LCP1: variants seen among roughly 807,000 people sequenced by gnomAD.
The protein encoded by LCP1 is plastin-2.
Under a neutral mutation model 72.0 loss-of-function variants are expected in LCP1, and 23 were observed. That is an observed-to-expected ratio of 0.32 (90% confidence interval 0.23 to 0.45). The LOEUF (loss-of-function observed/expected upper bound fraction) is 0.45, where lower values mean the gene tolerates loss of function less well. Ranked by LOEUF, LCP1 falls within the 20% of genes least tolerant of loss-of-function variation. LCP1 has a pLI of 1.00. For synonymous variants in LCP1, 245 were observed against 275.4 expected, an observed-to-expected ratio of 0.89 and a Z score of 1.09; for missense variants, 571 against 748.3, an observed-to-expected ratio of 0.76 and a Z score of 2.76.
intron 8 of LCP1, chr13:46,148,894 A>G (rs892648753): frequency 1.0e-5 from 4 of 386,160 alleles, no homozygotes; most frequent in Non-Finnish European, 1.4e-5. Flanking sequence ...ACAATCAGCA[A>G]GAGAAAAAGA....
chr13:46,143,531 G>A (rs540717309), intron 11 of LCP1, 127 bp from the exon 12 acceptor site: 20 of 616,926 alleles, frequency 3.2e-5, no homozygotes, highest in African/African-American at 1.3e-4. Context: ...CTTGGTAGTC[G>A]TAGCTCCATC....
chr13:46,156,687 C>T (rs1644321127), intron 4 of LCP1, 117 bp from the exon 5 acceptor site: 1 of 1,103,570 alleles, frequency 9.1e-7, no homozygotes, highest in Admixed American at 2.0e-5. Flanking sequence ...TTATTCAGTC[C>T]ATTATCTTAT....
chr13:46,153,522 G>A (rs562693632), intron 6 of LCP1, among the ~76,000 whole-genome samples: 1 of 152,182 alleles, frequency 6.6e-6, no homozygotes, highest in African/African-American at 2.4e-5. Flanking sequence ...CCAACATGGT[G>A]AAACCCCATC....
chr13:46,131,037 A>G (rs1320490654), intron 14 of LCP1, 99 bp from the exon 15 acceptor site: 1 of 1,198,390 alleles, frequency 8.3e-7, no homozygotes, highest in African/African-American at 1.6e-5. Context: ...AATATATAAT[A>G]TATACAGCCT....
chr13:46,168,734 C>T (rs2045890524), intron 1 of LCP1, among the ~76,000 whole-genome samples: 1 of 152,178 alleles, frequency 6.6e-6, no homozygotes, highest in South Asian at 2.1e-4. Context: ...ATAAGGAAAT[C>T]CTACAACCTC....
At chr13:46,133,283 A>G (rs918658416) in intron 14 of LCP1, among the ~76,000 whole-genome samples, 1 of 152,226 alleles carries the variant, frequency 6.6e-6, no homozygotes, top group African/African-American at 2.4e-5. Flanking sequence ...TGCTTTTAAA[A>G]TCATGGATTT....
intron 1 of LCP1, among the ~76,000 whole-genome samples, chr13:46,162,278 C>A (rs1166873247): frequency 8.0e-6 from 1 of 124,304 alleles, no homozygotes; most frequent in Non-Finnish European, 1.7e-5. Flanking sequence ...TCCCCCTCCC[C>A]CTCCCTCTCC....
intron 10 of LCP1, among the ~76,000 whole-genome samples, chr13:46,144,753 G>T (rs887663146): frequency 1.3e-5 from 2 of 152,148 alleles, no homozygotes; most frequent in African/African-American, 4.8e-5. Flanking sequence ...AATCCTGTGT[G>T]GGGTAGCTGT....
chr13:46,170,445 G>A (rs185674079), intron 1 of LCP1, among the ~76,000 whole-genome samples: 15 of 152,268 alleles, frequency 9.9e-5, no homozygotes, highest in East Asian at 3.9e-4. Flanking sequence ...GCTGGCTGCC[G>A]GTAATGCTTG....
At chr13:46,178,807 A>G (rs2045943515) in intron 1 of LCP1, among the ~76,000 whole-genome samples, 1 of 152,348 alleles carries the variant, frequency 6.6e-6, no homozygotes, top group East Asian at 1.9e-4. Context: ...ACTATTAGTA[A>G]TAAAGTCCAA....
chr13:46,131,697 A>G (rs1265418014), intron 14 of LCP1, among the ~76,000 whole-genome samples: 1 of 152,160 alleles, frequency 6.6e-6, no homozygotes, highest in African/African-American at 2.4e-5. Context: ...AAATCATGTT[A>G]TTTGCAGCAA....
intron 1 of LCP1, among the ~76,000 whole-genome samples, chr13:46,160,478 T>C (rs1387171106): frequency 1.3e-5 from 2 of 152,210 alleles, no homozygotes; most frequent in African/African-American, 4.8e-5. Flanking sequence ...ACAGATACAG[T>C]TTATAACTTC....
At chr13:46,143,716 C>T (rs530630525) in intron 11 of LCP1, among the ~76,000 whole-genome samples, 3 of 152,338 alleles carry the variant, frequency 2.0e-5, no homozygotes, top group Admixed American at 6.5e-5. Flanking sequence ...ATATAACAAA[C>T]CTGCACATGT....
rs539035687 is a variant in LCP1, at chr13:46,174,075, T to C, written c.-25+8036A>G. On this transcript the variant is annotated intron_variant, in intron 1 of 15. Transcript: ENST00000323076. ...CTAATTCTCCAGGCATTTTTACCAT[T>C]GTAGTCTGAGCTGAAAAACAGTGAG... 3.5e-3 allele frequency among the ~76,000 whole-genome samples: 528 copies of C among 152,324 alleles called. 1 individual carries two copies. Among genetic ancestry groups the C allele is most frequent in the African/African-American group, 0.012 (509 of 41,568 alleles).
At chr13:46,147,172 G>T in intron 9 of LCP1, 69 bp from the exon 10 acceptor site, 1 of 1,291,572 alleles carries the variant, frequency 7.7e-7, no homozygotes, top group Non-Finnish European at 1.0e-6. Context: ...TGCATAATGT[G>T]AAAAGAAATG....
At chr13:46,142,572 G>A (rs2045705198) in intron 12 of LCP1, 147 bp from the exon 13 acceptor site, 1 of 839,642 alleles carries the variant, frequency 1.2e-6, no homozygotes, top group African/African-American at 1.7e-5. Context: ...GCAATTCTAG[G>A]ATTCAAAATT....
At chr13:46,151,503 A>G (rs1387404539) in intron 7 of LCP1, among the ~76,000 whole-genome samples, 1 of 152,182 alleles carries the variant, frequency 6.6e-6, no homozygotes, top group African/African-American at 2.4e-5. Flanking sequence ...GGTGTTTTAT[A>G]TTTCAAGTGC....
At chr13:46,148,505 A>G in intron 8 of LCP1, 58 bp from the exon 9 acceptor site, 1 of 1,028,182 alleles carries the variant, frequency 9.7e-7, no homozygotes, top group South Asian at 1.4e-5. Context: ...CATACTTAGC[A>G]TAACAATGAT....
chr13:46,143,791 G>A (rs1218296278), intron 11 of LCP1, among the ~76,000 whole-genome samples: 1 of 152,212 alleles, frequency 6.6e-6, no homozygotes, highest in Non-Finnish European at 1.5e-5. Flanking sequence ...TTTAGAACGG[G>A]CGCAGTGGCT....
Sources: gnomAD v4.1 joint callset for allele counts (sites outside exome capture counted in the v4.1 genomes callset) on GRCh38, gnomAD v4.1.1 for gene constraint, MANE v1.5 for transcripts, NCBI Gene and HGNC (gene_info 2026-07-23, HGNC 2026-07-21) for gene names.